HS3ST4: variants seen among roughly 807,000 people sequenced by gnomAD.
HS3ST4 encodes the protein heparan sulfate-glucosamine 3-sulfotransferase 4.
In HS3ST4, 17 loss-of-function variants were observed where a neutral mutation model predicts 29.2. The ratio of observed to expected loss-of-function variants is 0.58; its 90% confidence interval spans 0.40 to 0.87. HS3ST4 has a LOEUF of 0.87. Among genes scored for constraint, HS3ST4 ranks in the 40% least tolerant of loss-of-function variants. The pLI, the probability that HS3ST4 is intolerant of heterozygous loss-of-function variation, is 0.00. For synonymous variants in HS3ST4, 314 were observed against 285.7 expected, an observed-to-expected ratio of 1.10 and a Z score of -1.00; for missense variants, 627 against 634.5, an observed-to-expected ratio of 0.99 and a Z score of 0.13.
At chr16:25,854,475 C>CAG (rs760435411) in intron 1 of HS3ST4, among the ~76,000 whole-genome samples, 108,965 of 151,684 alleles carry the variant, frequency 0.72, 40,437 homozygotes, top group African/African-American at 0.91. Context: ...TTCTGTATTG[C>CAG]CATCTGTTTT....
In HS3ST4 at chr16:26,059,322, CCT is replaced by C. The variant is rs779466133; in HGVS notation, c.735-76281_735-76280del. Among the ~76,000 whole-genome samples the C allele has an allele frequency of 3.9e-5, 6 of 151,962 alleles. No homozygotes were observed. The East Asian group carries it at 7.8e-4, about 20-fold the overall frequency. Reference sequence around the variant, plus strand: ...TCTTCCCTCCCCTCCTCTCTCCTTGCCTCTCTCTCTTTTTTTTGAATATTGAT... The same window carrying C: ...TCTTCCCTCCCCTCCTCTCTCCTTGCCTCTCTCTTTTTTTTGAATATTGAT... On this transcript the variant is annotated intron_variant, in intron 1 of 1. Transcript: ENST00000331351.
At position 25,887,723 on chromosome 16, in the gene HS3ST4, A is replaced by T. The variant is rs1289257618; in HGVS notation, c.734+194572A>T. ...TTTTTTTTTTTTTTTTTTGAGATGG[A>T]GTCTTGCTCCATCACCCAGTCTGGA... On this transcript the variant is annotated intron_variant, in intron 1 of 1. Coordinates refer to ENST00000331351, the MANE Select transcript of HS3ST4 (RefSeq NM_006040.3). 4.9e-5 allele frequency among the ~76,000 whole-genome samples: 5 copies of T among 101,846 alleles called. 1 individual carries two copies. The highest frequency in any genetic ancestry group is 1.3e-4 in the Admixed American group (1 of 7,714). The allele number at this position is 101,846 out of a possible 152,430, so 66.8% of individuals were successfully genotyped here. A position where few individuals can be genotyped will look rare whatever the true frequency, so the allele number is the denominator to read the frequency against.
intron 1 of HS3ST4, among the ~76,000 whole-genome samples, chr16:25,821,167 C>T (rs1229023777): frequency 2.6e-5 from 4 of 151,326 alleles, no homozygotes; most frequent in African/African-American, 7.3e-5. Flanking sequence ...ACGCCATTCT[C>T]CTGCCTCAGC....
At chr16:26,068,575 C>G (rs1480834584) in intron 1 of HS3ST4, among the ~76,000 whole-genome samples, 1 of 152,080 alleles carries the variant, frequency 6.6e-6, no homozygotes, top group Non-Finnish European at 1.5e-5. Context: ...CTAAACTTCC[C>G]CTCTCCATTC....
intron 1 of HS3ST4, among the ~76,000 whole-genome samples, chr16:25,719,213 C>G (rs1167906049): frequency 2.0e-5 from 3 of 152,154 alleles, no homozygotes; most frequent in Non-Finnish European, 4.4e-5. Flanking sequence ...AGTTTTAGTT[C>G]TCAGGAAGTT....
intron 1 of HS3ST4, among the ~76,000 whole-genome samples, chr16:25,710,742 C>T (rs1017292011): frequency 3.3e-5 from 5 of 149,360 alleles, no homozygotes; most frequent in Non-Finnish European, 7.4e-5. Context: ...AATTTAAAAG[C>T]AGATTGTACA....
At chr16:25,944,838 G>T (rs1193151055) in intron 1 of HS3ST4, among the ~76,000 whole-genome samples, 1 of 152,190 alleles carries the variant, frequency 6.6e-6, no homozygotes, top group Non-Finnish European at 1.5e-5. Context: ...AGAAGCCTCA[G>T]CCAGGCGTCT....
intron 1 of HS3ST4, among the ~76,000 whole-genome samples, chr16:25,943,818 G>A (rs971119067): frequency 5.3e-5 from 8 of 152,118 alleles, no homozygotes; most frequent in African/African-American, 1.9e-4. Context: ...TGAGATTTAA[G>A]AACTATTGGA....
chr16:26,074,156 C>A (rs1898632396), intron 1 of HS3ST4, among the ~76,000 whole-genome samples: 1 of 152,184 alleles, frequency 6.6e-6, no homozygotes, highest in Non-Finnish European at 1.5e-5. Context: ...CATCATTATA[C>A]TCAGGACCCT....
intron 1 of HS3ST4, among the ~76,000 whole-genome samples, chr16:25,815,296 C>T (rs1436454958): frequency 8.5e-5 from 13 of 152,152 alleles, no homozygotes; most frequent in Non-Finnish European, 1.8e-4. Flanking sequence ...TTTGTGGGGC[C>T]CTCTATATAC....
intron 1 of HS3ST4, among the ~76,000 whole-genome samples, chr16:26,002,885 A>G (rs1487511895): frequency 6.6e-6 from 1 of 152,056 alleles, no homozygotes; most frequent in African/African-American, 2.4e-5. Context: ...GATATTTGTC[A>G]TCCTCTCCAG....
At chr16:25,721,109 T>C (rs1324343535) in intron 1 of HS3ST4, among the ~76,000 whole-genome samples, 1 of 152,192 alleles carries the variant, frequency 6.6e-6, no homozygotes, top group South Asian at 2.1e-4. Context: ...GAGAGTTTTG[T>C]AGGAATGAGT....
At chr16:25,939,282 C>T (rs1158636329) in intron 1 of HS3ST4, among the ~76,000 whole-genome samples, 4 of 151,204 alleles carry the variant, frequency 2.6e-5, no homozygotes, top group African/African-American at 9.7e-5. Flanking sequence ...GGTACTCTTT[C>T]AACTTTTAAA....
intron 1 of HS3ST4, among the ~76,000 whole-genome samples, chr16:26,005,341 C>G (rs1428262460): frequency 1.3e-5 from 2 of 152,102 alleles, no homozygotes; most frequent in East Asian, 3.8e-4. Context: ...GATTTAATGG[C>G]TAAATCAATA....
intron 1 of HS3ST4, among the ~76,000 whole-genome samples, chr16:26,030,849 T>TC (rs1969524813): frequency 6.6e-6 from 1 of 152,214 alleles, no homozygotes; most frequent in South Asian, 2.1e-4. Context: ...GCCTTATTTT[T>TC]CCCCTTTAAA....
intron 1 of HS3ST4, among the ~76,000 whole-genome samples, chr16:25,884,619 G>A (rs1403101756): frequency 1.3e-5 from 2 of 152,164 alleles, no homozygotes; most frequent in Admixed American, 1.3e-4. Context: ...AGGCTGGAGT[G>A]CAATGGCGTG....
chr16:25,776,657 G>T (rs772567416), intron 1 of HS3ST4, among the ~76,000 whole-genome samples: 1 of 152,148 alleles, frequency 6.6e-6, no homozygotes, highest in African/African-American at 2.4e-5. Context: ...GGATGATCAT[G>T]CCTACCGGAG....
intron 1 of HS3ST4, among the ~76,000 whole-genome samples, chr16:25,794,710 A>T (rs1051609760): frequency 6.6e-6 from 1 of 151,858 alleles, no homozygotes; most frequent in East Asian, 1.9e-4. Flanking sequence ...TCTATGAGGT[A>T]TTTAGGTGTA....
intron 1 of HS3ST4, among the ~76,000 whole-genome samples, chr16:25,962,325 A>C (rs770910317): frequency 4.6e-5 from 7 of 152,234 alleles, no homozygotes; most frequent in African/African-American, 7.2e-5. Flanking sequence ...AGCAAAGTGA[A>C]AGAAAAAAGA....
Sources: allele counts gnomAD v4.1 joint callset (sites outside exome capture counted in the v4.1 genomes callset), GRCh38; gene constraint gnomAD v4.1.1; transcripts MANE v1.5; gene names NCBI Gene and HGNC (gene_info 2026-07-23, HGNC 2026-07-21).